The following ITGB7 variants were observed in gnomAD, a reference collection of about 807,000 sequenced individuals.
ITGB7 encodes the protein integrin subunit beta 7.
In ITGB7, 55 loss-of-function variants were observed where a neutral mutation model predicts 83.4. That is an observed-to-expected ratio of 0.66 (90% CI 0.53 to 0.83). The LOEUF (loss-of-function observed/expected upper bound fraction) is 0.83. Among genes scored for constraint, ITGB7 ranks in the 40% least tolerant of loss-of-function variants. ITGB7 has a pLI of 0.00. For missense variants in ITGB7, 921 were observed against 1,046.7 expected (o/e 0.88, Z 1.66); for synonymous variants, 454 against 423.6 (o/e 1.07, Z -0.88).
intron 3 of ITGB7, among the ~76,000 whole-genome samples, chr12:53,198,447 G>C (rs1250530587): frequency 6.6e-6 from 1 of 151,716 alleles, no homozygotes; most frequent in Non-Finnish European, 1.5e-5. Context: ...GTAAAGACAG[G>C]GTCTTGCTTT....
In ITGB7 at chr12:53,197,482, G is replaced by T; in HGVS notation, c.574+11C>A. On this transcript the variant is annotated intron_variant, in intron 5 of 15. Transcript: ENST00000267082. ...AAGGGCTAACAGGGCGGGAGGCAGCGCTCGGCTCACCAATGCGCACAGAAT... is the reference window on the plus strand; with the variant it reads ...AAGGGCTAACAGGGCGGGAGGCAGCTCTCGGCTCACCAATGCGCACAGAAT... 1 of 1,614,068 alleles carries T rather than the reference G, an allele frequency of 6.2e-7. No homozygotes were observed. Among genetic ancestry groups the T allele is most frequent in the Non-Finnish European group, 8.5e-7 (1 of 1,179,932 alleles).
Position 53,194,310 on chromosome 12 carries a change from G to A in ITGB7, c.1196C>T (p.Ser399Leu). The change falls in exon 10 of 16, where the codon TCA becomes TTA. Residue 399 changes from serine (S) to leucine (L), a missense_variant. Ser to Leu is a moderately radical substitution (Grantham distance 145). Coordinates refer to ENST00000267082, the MANE Select transcript of ITGB7 (RefSeq NM_000889.3). ...LSSTVTLEHS[S>L]LPPGVHISYE... The stretch of plus-strand genomic sequence containing the variant: ...AGAAATGTGGACCCCAGGAGGGAGT[G>A]AAGAGTGTTCAAGGGTCACGGTGGA... 1 of 1,614,068 alleles carries A rather than the reference G, an allele frequency of 6.2e-7. No homozygotes were observed. Among genetic ancestry groups the A allele is most frequent in the Non-Finnish European group, 8.5e-7 (1 of 1,179,990 alleles).
rs202075038 is a variant in ITGB7, at chr12:53,192,848, C to G, written c.1789G>C (p.Glu597Gln). ...CAACTGTCCATGTCCCCACTGCATT[C>G]GCATGCTCTGCCCGTGCGGTTGGCA... ...CHANRTGRAC[E>Q]CSGDMDSCIS... The change falls in exon 13 of 16, where the codon GAA (glutamate) becomes CAA (glutamine). Residue 597 changes from glutamate (E) to glutamine (Q), a missense_variant. By Grantham distance (29) the Glu-to-Gln change is conservative (BLOSUM62 2). Transcript: ENST00000267082. 5.0e-6 allele frequency: 8 copies of G among 1,614,098 alleles called. No individual in the cohort carries two copies. Among genetic ancestry groups the G allele is most frequent in the African/African-American group, 1.3e-5 (1 of 74,936 alleles).
rs764282863 is a variant in ITGB7, at chr12:53,191,850, TCTC to T, written c.2316+6_2316+8del. 6 of 1,612,944 alleles carry T rather than the reference TCTC, an allele frequency of 3.7e-6. No homozygotes were observed. The African/African-American group carries it at 4.0e-5, about 11-fold the overall frequency. ...GCTAAAAAGGGGCCTAACCAGGAAG[TCTC>T]CTCACCTGCTTCCAGTTGAGTTGTT... On this transcript the variant is annotated splice_donor_region_variant and intron_variant, in intron 15 of 15. Transcript: ENST00000267082.
At position 53,192,821 on chromosome 12, in the gene ITGB7, T is replaced by C; in HGVS notation, c.1816A>G (p.Ile606Val). The change falls in exon 13 of 16, where the codon ATC (isoleucine) becomes GTC (valine). Residue 606 changes from isoleucine (I) to valine (V), a missense_variant. By Grantham distance (29) the Ile-to-Val change is conservative. Transcript: ENST00000267082. ...CTGCAGAGCCCTCCCTCGGGACTGATGCAACTGTCCATGTCCCCACTGCAT... is the reference window on the plus strand; with the variant it reads ...CTGCAGAGCCCTCCCTCGGGACTGACGCAACTGTCCATGTCCCCACTGCAT... ...CECSGDMDSC[I>V]SPEGGLCSGH... The C allele has an allele frequency of 1.2e-6, 2 of 1,614,240 alleles. No individual in the cohort carries two copies. Among genetic ancestry groups the C allele is most frequent in the Non-Finnish European group, 1.7e-6 (2 of 1,180,050 alleles).
intron 9 of ITGB7, 90 bp from the exon 10 acceptor site, chr12:53,194,434 C>T: frequency 7.4e-7 from 1 of 1,353,184 alleles, no homozygotes; most frequent in South Asian, 1.3e-5. Flanking sequence ...CCCAATTCTG[C>T]CAGCACCCTG....
At position 53,192,382 on chromosome 12, in the gene ITGB7, C is replaced by CAAG; in HGVS notation, c.2100_2102dup (p.Phe700dup). 3 of 1,614,148 alleles carry CAAG rather than the reference C, an allele frequency of 1.9e-6. No homozygotes were observed. Among genetic ancestry groups the CAAG allele is most frequent in the Non-Finnish European group, 2.5e-6 (3 of 1,180,028 alleles). ...CCGTGCCTCTGGCGTCATCCTCCAC[C>CAAG]AAGAAGAAGAACAGCTGGTTGTCCA... On this transcript the variant is annotated inframe_insertion, in exon 14 of 16. Transcript: ENST00000267082.
In ITGB7 at chr12:53,197,023, A is replaced by G. The variant is rs930639544; in HGVS notation, c.575-203T>C. 6.6e-6 allele frequency: 4 copies of G among 610,588 alleles called. No individual in the cohort carries two copies. In the Admixed American group the frequency reaches 9.0e-5, roughly 14 times the overall value. The allele number at this position is 610,588 out of a possible 1,614,324, so 37.8% of individuals were successfully genotyped here. A position where few individuals can be genotyped will look rare whatever the true frequency, so the allele number is the denominator to read the frequency against. ...GCAGGTAGAAGACATTAAGAGGAGGACACAACTTCCTGGGCAAATGGGAAC... is the reference window on the plus strand; with the variant it reads ...GCAGGTAGAAGACATTAAGAGGAGGGCACAACTTCCTGGGCAAATGGGAAC... On this transcript the variant is annotated intron_variant, in intron 5 of 15. Coordinates refer to ENST00000267082, the MANE Select transcript of ITGB7 (RefSeq NM_000889.3).
intron 9 of ITGB7, 175 bp from the exon 10 acceptor site, chr12:53,194,519 C>G (rs540063898): frequency 6.6e-6 from 4 of 606,082 alleles, no homozygotes; most frequent in South Asian, 5.8e-5. Context: ...GAGAACCTTG[C>G]ATAGAACATA....
intron 8 of ITGB7, 34 bp downstream of exon 8, chr12:53,195,592 G>C (rs767687057): frequency 6.3e-7 from 1 of 1,581,700 alleles, no homozygotes; most frequent in Admixed American, 1.7e-5. Flanking sequence ...GGTTGGGATG[G>C]GGCTGGGGGA....
chr12:53,200,369 G>T lies in ITGB7; in HGVS notation c.75C>A (p.Ile25=). ...SRGESELDAK[I]PSTGDATEWR... is the part of the protein sequence containing the mutation. ...ATTCTGTGGCATCCCCTGTGGATGG[G>T]ATCTTGGCGTCCAATTCACTCTCAC... The change falls in exon 3 of 16, where the codon ATC becomes ATA. Residue 25 remains isoleucine (I), a synonymous_variant. Coordinates refer to ENST00000267082, the MANE Select transcript of ITGB7 (RefSeq NM_000889.3). The T allele has an allele frequency of 7.4e-6, 12 of 1,614,172 alleles. No individual in the cohort carries two copies. Among genetic ancestry groups the T allele is most frequent in the Non-Finnish European group, 1.0e-5 (12 of 1,180,030 alleles).
intron 11 of ITGB7, 90 bp downstream of exon 11, chr12:53,193,618 G>T (rs940417040): frequency 7.9e-5 from 93 of 1,177,138 alleles, no homozygotes; most frequent in Non-Finnish European, 1.0e-4. Context: ...GGAGACTCCT[G>T]TGGGGGGGAT....
At position 53,201,856 on chromosome 12, in the gene ITGB7, G is replaced by A. The variant is rs750549975; in HGVS notation, c.-126-662C>T. ...TTTGAGGCTGCAGTGAGCTATGATC[G>A]TGTCACTGTACTTTGCCCTGGGCAA... On this transcript the variant is annotated intron_variant, in intron 1 of 15. Transcript: ENST00000267082. Among the ~76,000 whole-genome samples the A allele has an allele frequency of 5.3e-5, 8 of 152,220 alleles. No homozygotes were observed. The East Asian group carries it at 5.8e-4, about 11-fold the overall frequency.
rs1318942100 is a variant in ITGB7, at chr12:53,196,741, G to T, written c.654C>A (p.Thr218=). The T allele has an allele frequency of 3.7e-6, 6 of 1,613,638 alleles. No homozygotes were observed. The highest frequency in any genetic ancestry group is 2.7e-5 in the African/African-American group (2 of 74,934). Residue 218 remains threonine, a synonymous_variant, in exon 6 of 16, where the codon ACC becomes ACA. Transcript: ENST00000267082. Reference sequence around the variant, plus strand: ...ATGGTGACTGGCAGCGCTCCAGCCGGGTGGGGCAGGGGTGGCGCAGTTTGG... The same window carrying T: ...ATGGTGACTGGCAGCGCTCCAGCCGTGTGGGGCAGGGGTGGCGCAGTTTGG... ...VPSKLRHPCP[T]RLERCQSPFS...
At chr12:53,195,750 C>T (rs765518746) in intron 7 of ITGB7, 29 bp from the exon 8 acceptor site, 1 of 1,561,328 alleles carries the variant, frequency 6.4e-7, no homozygotes, top group Non-Finnish European at 8.8e-7. Context: ...ACAAGGTGAG[C>T]CCCACAGGTT....
chr12:53,192,056 G>C (rs202183121), intron 14 of ITGB7, 37 bp from the exon 15 acceptor site: 24 of 1,601,524 alleles, frequency 1.5e-5, no homozygotes, highest in Middle Eastern at 3.4e-4. Context: ...GTGGGAGCTG[G>C]AGCATAGGGA....
At chr12:53,191,706 G>A (rs1306099313) in intron 15 of ITGB7, 70 bp from the exon 16 acceptor site, 2 of 1,541,892 alleles carry the variant, frequency 1.3e-6, no homozygotes, top group South Asian at 2.2e-5. Flanking sequence ...GACCTAAGAG[G>A]CCAGCCTTGA....
intron 1 of ITGB7, among the ~76,000 whole-genome samples, chr12:53,204,261 C>T (rs1290761234): frequency 6.6e-6 from 1 of 151,784 alleles, no homozygotes; most frequent in Non-Finnish European, 1.5e-5. Context: ...TCTCCTGTAA[C>T]CCTAGCTACT....
At chr12:53,193,030 C>T in intron 12 of ITGB7, 110 bp downstream of exon 12, 1 of 1,357,864 alleles carries the variant, frequency 7.4e-7, no homozygotes, top group Non-Finnish European at 1.0e-6. Flanking sequence ...CCCTCTAACC[C>T]ATACACCGGA....
Sources: allele counts gnomAD v4.1 joint callset (sites outside exome capture counted in the v4.1 genomes callset), GRCh38; gene constraint gnomAD v4.1.1; transcripts MANE v1.5; gene names NCBI Gene and HGNC (gene_info 2026-07-23, HGNC 2026-07-21).